The following CDC5L variants were observed in gnomAD, a reference collection of about 807,000 sequenced individuals.
The protein encoded by CDC5L is cell division cycle 5-like protein.
Under a neutral mutation model 104.1 loss-of-function variants are expected in CDC5L, and 18 were observed. That is an observed-to-expected ratio of 0.17 (90% CI 0.12 to 0.26). CDC5L has a LOEUF of 0.26. CDC5L is among the 10% of genes least tolerant of loss of function. The pLI, the probability that CDC5L is intolerant of heterozygous loss-of-function variation, is 1.00. For synonymous variants in CDC5L, 331 were observed against 322.7 expected (o/e 1.03, Z -0.28); for missense variants, 673 against 956.9 (o/e 0.70, Z 3.91).
At position 44,398,328 on chromosome 6, in the gene CDC5L, A is replaced by G. The variant is rs534980448; in HGVS notation, c.539+1888A>G. The stretch of plus-strand genomic sequence containing the variant: ...TTTTATCCATGGTTGTAGGGGACCA[A>G]ATTTTTAGAGCCCTTTAACCGTGTG... On this transcript the variant is annotated intron_variant, in intron 5 of 15. Coordinates refer to ENST00000371477, the MANE Select transcript of CDC5L (RefSeq NM_001253.4). Among the ~76,000 whole-genome samples the G allele has an allele frequency of 4.6e-5, 7 of 152,296 alleles. No individual in the cohort carries two copies. The East Asian group carries it at 1.2e-3, about 25-fold the overall frequency.
chr6:44,427,725 A>C (rs149691438), intron 13 of CDC5L, among the ~76,000 whole-genome samples: 3 of 152,124 alleles, frequency 2.0e-5, no homozygotes, highest in African/African-American at 4.8e-5. Flanking sequence ...TGAGTTGCCT[A>C]CTCTGTCGAG....
At position 44,419,441 on chromosome 6, in the gene CDC5L, T is replaced by A; in HGVS notation, c.1093-8T>A. On this transcript the variant is annotated splice_region_variant and splice_polypyrimidine_tract_variant and intron_variant, in intron 8 of 15. Transcript: ENST00000371477. ...TTAAACTTGCTTCTTTGTCTTCTTG[T>A]TAATCAGGAAGCCCAGAACCTCATG... 6.2e-7 allele frequency: 1 copy of A among 1,613,136 alleles called. No individual in the cohort carries two copies. The highest frequency in any genetic ancestry group is 8.5e-7 in the Non-Finnish European group (1 of 1,179,658).
rs954679788 is a variant in CDC5L, at chr6:44,422,651, C to T, written c.1246C>T (p.Pro416Ser). ...TTGGGATTCCTGTCTTTCTAGGACT[C>T]CTTCTAATGGAGCTGAAGGGCTGAC... The part of the protein sequence containing the change: ...NTVLSTPFRT[P>S]SNGAEGLTPR... Residue 416 changes from proline (P) to serine (S), a missense_variant, in exon 10 of 16, where the codon CCT becomes TCT. By Grantham distance (74) the Pro-to-Ser change is moderately conservative. Transcript: ENST00000371477. 10 of 1,600,030 alleles carry T rather than the reference C, an allele frequency of 6.2e-6. No individual in the cohort carries two copies. Among genetic ancestry groups the T allele is most frequent in the Non-Finnish European group, 8.5e-6 (10 of 1,173,772 alleles).
At chr6:44,431,368 A>G (rs1792675643) in intron 14 of CDC5L, among the ~76,000 whole-genome samples, 1 of 152,190 alleles carries the variant, frequency 6.6e-6, no homozygotes, top group Non-Finnish European at 1.5e-5. Flanking sequence ...ATAGAACATC[A>G]GTGGTTAAAT....
At chr6:44,442,838 AATTTTCATGTTATTAAT>A (rs980301981) in intron 14 of CDC5L, among the ~76,000 whole-genome samples, 2 of 152,152 alleles carry the variant, frequency 1.3e-5, no homozygotes, top group African/African-American at 4.8e-5. Context: ...TACTTTAATA[AATTTTCATGTTATTAAT>A]TAGTGTTCTC....
intron 5 of CDC5L, among the ~76,000 whole-genome samples, chr6:44,401,323 C>T (rs1791114026): frequency 7.5e-6 from 1 of 133,872 alleles, no homozygotes; most frequent in Non-Finnish European, 1.6e-5. Flanking sequence ...CGTCCGCCCG[C>T]AGCGTGGAGC....
intron 7 of CDC5L, among the ~76,000 whole-genome samples, chr6:44,407,048 A>G (rs1791402713): frequency 6.6e-6 from 1 of 152,240 alleles, no homozygotes; most frequent in Non-Finnish European, 1.5e-5. Flanking sequence ...TGGTTTGGTA[A>G]GTAATTATCA....
At chr6:44,422,922 C>T (rs577396832) in intron 10 of CDC5L, 113 bp downstream of exon 10, 2 of 530,932 alleles carry the variant, frequency 3.8e-6, no homozygotes, top group African/African-American at 2.0e-5. Flanking sequence ...AATCTATACA[C>T]CTGTGGATGC....
chr6:44,388,675 CTTTTTTTT>C (rs975766196), intron 1 of CDC5L, among the ~76,000 whole-genome samples: 2 of 131,036 alleles, frequency 1.5e-5, no homozygotes, highest in African/African-American at 2.8e-5. Flanking sequence ...TTTATGGCTT[CTTTTTTTT>C]TTTTTTTTTA....
intron 8 of CDC5L, among the ~76,000 whole-genome samples, chr6:44,414,242 G>A (rs1791800345): frequency 6.6e-6 from 1 of 151,910 alleles, no homozygotes; most frequent in African/African-American, 2.4e-5. Flanking sequence ...ACTGTGCCTG[G>A]CTAATTTTTT....
Position 44,448,857 on chromosome 6 carries a change from A to G in CDC5L, c.*2146A>G, listed in dbSNP as rs935044355. The stretch of plus-strand genomic sequence containing the variant: ...GTTAGATAGTCTTTATCTGAAAGAC[A>G]GTGTCTCTCTTTTAGTTTTTAAAGA... On this transcript the variant is annotated 3_prime_UTR_variant, in exon 16 of 16. Transcript: ENST00000371477. 3 of 152,180 alleles carry G rather than the reference A, an allele frequency of 2.0e-5. No homozygotes were observed. The highest frequency in any genetic ancestry group is 2.9e-5 in the Non-Finnish European group (2 of 68,014). The allele number at this position is 152,180 out of a possible 1,614,324, so 9.4% of individuals were successfully genotyped here.
chr6:44,397,546 C>T (rs1353092842), intron 5 of CDC5L, among the ~76,000 whole-genome samples: 2 of 152,014 alleles, frequency 1.3e-5, no homozygotes, highest in Non-Finnish European at 2.9e-5. Context: ...CCAGTTTATC[C>T]AGTATGTTGA....
At chr6:44,445,977 G>C in intron 15 of CDC5L, 110 bp downstream of exon 15, 2 of 848,894 alleles carry the variant, frequency 2.4e-6, no homozygotes, top group South Asian at 3.4e-5. Flanking sequence ...GTACTGTCAG[G>C]CTTTTAAAAA....
chr6:44,406,456 C>T lies in CDC5L; in HGVS notation c.892C>T (p.Pro298Ser), dbSNP rs1791367019. 2 of 1,608,294 alleles carry T rather than the reference C, an allele frequency of 1.2e-6. No homozygotes were observed. Among genetic ancestry groups the T allele is most frequent in the Non-Finnish European group, 1.7e-6 (2 of 1,178,572 alleles). Residue 298 changes from proline to serine, a missense_variant, in exon 7 of 16, where the codon CCT becomes TCT. Coordinates refer to ENST00000371477, the MANE Select transcript of CDC5L (RefSeq NM_001253.4). ...FTKKRSKLVL[P>S]APQISDAELQ... ...TAAAAAGAGAAGCAAACTAGTACTT[C>T]CTGCCCCTCAGGTAATCTGATAAAA...
intron 8 of CDC5L, among the ~76,000 whole-genome samples, chr6:44,412,931 C>T (rs1426915626): frequency 4.6e-5 from 7 of 151,026 alleles, no homozygotes; most frequent in African/African-American, 1.5e-4. Flanking sequence ...TACAGGCGCC[C>T]GCCACTACGC....
Position 44,408,488 on chromosome 6 carries a change from G to C in CDC5L, c.948G>C (p.Ala316=). 6.2e-7 allele frequency: 1 copy of C among 1,613,842 alleles called. No individual in the cohort carries two copies. The highest frequency in any genetic ancestry group is 2.2e-5 in the East Asian group (1 of 44,884). ...AGGAAGTTGTAAAAGTAGGCCAAGC[G>C]AGTGAAATTGCACGTCAAACTGCCG... is the stretch of plus-strand genomic sequence containing the variant. The part of the protein sequence containing the change: ...ELQEVVKVGQ[A]SEIARQTAEE... The change falls in exon 8 of 16, where the codon GCG becomes GCC. Residue 316 remains alanine (A), a synonymous_variant. Transcript: ENST00000371477.
intron 11 of CDC5L, among the ~76,000 whole-genome samples, chr6:44,425,307 C>A (rs887263049): frequency 1.3e-5 from 2 of 152,074 alleles, no homozygotes; most frequent in Admixed American, 6.6e-5. Context: ...TAGTATAATG[C>A]AGATGTTCCA....
chr6:44,425,984 G>T, intron 11 of CDC5L, 119 bp from the exon 12 acceptor site: 2 of 576,158 alleles, frequency 3.5e-6, no homozygotes, highest in African/African-American at 1.9e-5. Flanking sequence ...AACTTAAACC[G>T]ATTTCTAAAC....
At chr6:44,396,474 T>A (rs780181293) in intron 5 of CDC5L, 34 bp downstream of exon 5, 11 of 1,355,496 alleles carry the variant, frequency 8.1e-6, no homozygotes, top group Non-Finnish European at 1.1e-5. Context: ...AAGCAAAGTG[T>A]TTTTCTCACA....
Sources: allele counts gnomAD v4.1 joint callset (sites outside exome capture counted in the v4.1 genomes callset), GRCh38; gene constraint gnomAD v4.1.1; transcripts MANE v1.5; gene names NCBI Gene and HGNC (gene_info 2026-07-23, HGNC 2026-07-21).